SH3BGRL: variants seen among roughly 807,000 people sequenced by gnomAD.
SH3BGRL encodes the protein adapter SH3BGRL.
In SH3BGRL, 7 loss-of-function variants were observed where a neutral mutation model predicts 9.8. The ratio of observed to expected loss-of-function variants is 0.72; its 90% CI spans 0.41 to 1.35. The LOEUF (loss-of-function observed/expected upper bound fraction) is 1.35, where lower values mean the gene tolerates loss of function less well. SH3BGRL is among the 40% of genes most tolerant of loss of function. SH3BGRL has a pLI of 0.01. For synonymous variants in SH3BGRL, 36 were observed against 29.1 expected, an observed-to-expected ratio of 1.24 and a Z score of -0.76; for missense variants, 73 against 84.4, an observed-to-expected ratio of 0.86 and a Z score of 0.53.
intron 1 of SH3BGRL, among the ~76,000 whole-genome samples, chrX:81,269,111 T>C (rs1420472945): frequency 9.0e-6 from 1 of 111,673 alleles, no homozygotes; most frequent in African/African-American, 3.3e-5. Context: ...TATGTTTGTC[T>C]CTGCATGTGA....
intron 1 of SH3BGRL, among the ~76,000 whole-genome samples, chrX:81,260,879 CT>C (rs1261384790): frequency 9.0e-6 from 1 of 110,788 alleles, no homozygotes; most frequent in Non-Finnish European, 1.9e-5. Context: ...TGATCCTTCC[CT>C]AGAAGCAGAA....
chrX:81,250,402 G>T (rs1393775675), intron 1 of SH3BGRL, among the ~76,000 whole-genome samples: 2 of 37,786 alleles, frequency 5.3e-5, no homozygotes, highest in Non-Finnish European at 1.3e-4. Context: ...GCGAGACTCC[G>T]TCTCAAAAAA....
rs535418265 is a variant in SH3BGRL at position 81,217,557 on chromosome X, G to A, written c.45+15312G>A. Among the ~76,000 whole-genome samples the A allele has an allele frequency of 3.5e-3, 394 of 111,470 alleles. 1 individual carries two copies. Among genetic ancestry groups the A allele is most frequent in the African/African-American group, 0.012 (371 of 30,789 alleles). On this transcript the variant is annotated intron_variant, in intron 1 of 3. Coordinates refer to ENST00000373212, the MANE Select transcript of SH3BGRL (RefSeq NM_003022.3). The stretch of plus-strand genomic sequence containing the variant: ...TATTTAATTTTCATGTATTTGTATA[G>A]TTTTGAGGGTTCCTTTTAGAGTGAA...
Position 81,202,104 on chromosome X carries a change from C to T in SH3BGRL, c.-97C>T. 1.1e-6 allele frequency: 1 copy of T among 884,073 alleles called. No individual in the cohort carries two copies. The highest frequency in any genetic ancestry group is 2.1e-5 in the South Asian group (1 of 47,052). The allele number at this position is 884,073 out of a possible 1,213,427, so 72.9% of individuals were successfully genotyped here. A position where few individuals can be genotyped will look rare whatever the true frequency, so the allele number is the denominator to read the frequency against. ...TCCACCTTCCCCCACCCTTCTCTGCCAACCGCTGTTTCAGCCCCTAGCTGG... is the reference window on the plus strand; with the variant it reads ...TCCACCTTCCCCCACCCTTCTCTGCTAACCGCTGTTTCAGCCCCTAGCTGG... On this transcript the variant is annotated 5_prime_UTR_variant, in exon 1 of 4. Transcript: ENST00000373212.
chrX:81,221,796 T>A (rs2075600788), intron 1 of SH3BGRL, among the ~76,000 whole-genome samples: 1 of 112,342 alleles, frequency 8.9e-6, no homozygotes, highest in African/African-American at 3.2e-5. Context: ...AAAACATTAC[T>A]CTTTTTTGTT....
chrX:81,297,275 C>T lies in SH3BGRL; in HGVS notation c.*48C>T, dbSNP rs370030734. ...CATCCTGAAAAATGAGTCTCCATTG[C>T]TTTTATAAAATAGCAGAATTAGCTT... On this transcript the variant is annotated 3_prime_UTR_variant, in exon 4 of 4. Transcript: ENST00000373212. 9.8e-4 allele frequency: 1,031 copies of T among 1,051,670 alleles called. 6 individuals are homozygous for T. The highest frequency in any genetic ancestry group is 4.7e-4 in the Non-Finnish European group (359 of 762,241). 86.7% of individuals were successfully genotyped at this position (1,051,670 alleles called of 1,213,427 possible). A position where few individuals can be genotyped will look rare whatever the true frequency, so the allele number is the denominator to read the frequency against.
At chrX:81,241,441 T>C (rs1171505574) in intron 1 of SH3BGRL, among the ~76,000 whole-genome samples, 1 of 111,735 alleles carries the variant, frequency 8.9e-6, no homozygotes, top group East Asian at 2.8e-4. Context: ...CCCAGAGTGA[T>C]AGCTTATGGT....
intron 1 of SH3BGRL, among the ~76,000 whole-genome samples, chrX:81,262,473 G>T (rs1016315920): frequency 9.0e-6 from 1 of 111,381 alleles, no homozygotes; most frequent in South Asian, 3.8e-4. Context: ...CTTAACCAGG[G>T]CCCCTGAAAA....
chrX:81,250,314 C>T (rs780766941), intron 1 of SH3BGRL, among the ~76,000 whole-genome samples: 7 of 108,320 alleles, frequency 6.5e-5, no homozygotes, highest in South Asian at 4.1e-4. Flanking sequence ...GCAGGAGAAT[C>T]GCTTGAACCC....
chrX:81,281,953 C>T lies in SH3BGRL; in HGVS notation c.312+3542C>T, dbSNP rs924264386. ...CTGCCTTCAGGAGACTCACCTAACA[C>T]ATAAGGAGGCACATAAAGTAAAGGG... is the stretch of plus-strand genomic sequence containing the variant. On this transcript the variant is annotated intron_variant, in intron 3 of 3. Transcript: ENST00000373212. Among the ~76,000 whole-genome samples, 3 of 111,587 alleles carry T rather than the reference C, an allele frequency of 2.7e-5. No homozygotes were observed. The Admixed American group carries it at 2.9e-4, about 11-fold the overall frequency.
chrX:81,208,107 A>G (rs6622422), intron 1 of SH3BGRL, among the ~76,000 whole-genome samples: 2 of 110,596 alleles, frequency 1.8e-5, no homozygotes, highest in African/African-American at 6.6e-5. Context: ...ATACAAAAAC[A>G]AAAAAATAGC....
chrX:81,225,102 C>A (rs1748283713), intron 1 of SH3BGRL, among the ~76,000 whole-genome samples: 1 of 110,789 alleles, frequency 9.0e-6, no homozygotes, highest in African/African-American at 3.3e-5. Flanking sequence ...TTCTTTCAAG[C>A]CTTTCAAGTC....
chrX:81,289,566 A>G (rs1450887514), intron 3 of SH3BGRL, among the ~76,000 whole-genome samples: 1 of 110,979 alleles, frequency 9.0e-6, no homozygotes, highest in African/African-American at 3.3e-5. Context: ...GGCTCAAACC[A>G]CTCTATAGGG....
chrX:81,274,993 C>T (rs2075793828), intron 1 of SH3BGRL, among the ~76,000 whole-genome samples: 1 of 110,892 alleles, frequency 9.0e-6, no homozygotes, highest in Non-Finnish European at 1.9e-5. Context: ...AATACTTGGT[C>T]ATTACTCTCC....
At chrX:81,251,802 G>T (rs1299855701) in intron 1 of SH3BGRL, among the ~76,000 whole-genome samples, 1 of 111,875 alleles carries the variant, frequency 8.9e-6, no homozygotes, top group Non-Finnish European at 1.9e-5. Context: ...CAGGATATTG[G>T]GGGTAGCTTC....
intron 1 of SH3BGRL, among the ~76,000 whole-genome samples, chrX:81,275,488 T>C (rs987047230): frequency 8.9e-6 from 1 of 111,931 alleles, no homozygotes; most frequent in Admixed American, 9.5e-5. Flanking sequence ...ACAATTGACA[T>C]TGACTGAACC....
intron 3 of SH3BGRL, among the ~76,000 whole-genome samples, chrX:81,289,934 T>C (rs2075851549): frequency 8.9e-6 from 1 of 112,221 alleles, no homozygotes; most frequent in South Asian, 3.7e-4. Context: ...AATAATCCTT[T>C]GTCAAAAGAA....
At chrX:81,269,576 T>C (rs965532205) in intron 1 of SH3BGRL, among the ~76,000 whole-genome samples, 1 of 112,021 alleles carries the variant, frequency 8.9e-6, no homozygotes, top group Non-Finnish European at 1.9e-5. Context: ...GGGTTTCTGC[T>C]GAGAGATCCA....
chrX:81,206,990 C>A (rs967844128), intron 1 of SH3BGRL, among the ~76,000 whole-genome samples: 1 of 112,220 alleles, frequency 8.9e-6, no homozygotes, highest in Admixed American at 9.4e-5. Flanking sequence ...CGTTTTGTTT[C>A]TTGAGATTGT....
Sources: allele counts gnomAD v4.1 joint callset (sites outside exome capture counted in the v4.1 genomes callset), GRCh38; gene constraint gnomAD v4.1.1; transcripts MANE v1.5; gene names NCBI Gene and HGNC (gene_info 2026-07-23, HGNC 2026-07-21).